Variants in GABRA5 observed in about 807,000 individuals in gnomAD.
The protein encoded by GABRA5 is gamma-aminobutyric acid type A receptor subunit alpha5.
A neutral mutation model predicts 47.3 loss-of-function variants in GABRA5; 18 were observed. The observed-to-expected ratio is 0.38, with a 90% CI of 0.26 to 0.56. The LOEUF (loss-of-function observed/expected upper bound fraction) is 0.56, where lower values mean the gene tolerates loss of function less well. GABRA5 is among the 20% of genes least tolerant of loss of function. The probability of loss-of-function intolerance (pLI) is 0.71; values close to 1 mark genes in which losing one functional copy is unlikely to be tolerated. For synonymous variants in GABRA5, 237 were observed against 229.3 expected (o/e 1.03, Z -0.30); for missense variants, 365 against 599.3 (o/e 0.61, Z 4.08).
intron 7 of GABRA5, among the ~76,000 whole-genome samples, chr15:26,922,266 C>A (rs1013687395): frequency 2.6e-5 from 4 of 152,066 alleles, no homozygotes; most frequent in African/African-American, 9.7e-5. Context: ...TATTTTTTAG[C>A]TGTATTATTT....
intron 6 of GABRA5, among the ~76,000 whole-genome samples, chr15:26,889,946 G>A (rs902021761): frequency 1.3e-5 from 2 of 152,040 alleles, no homozygotes; most frequent in African/African-American, 4.8e-5. Flanking sequence ...GTTTTTGAGT[G>A]GCCTCATTCA....
At chr15:26,897,680 T>C (rs1278011562) in intron 6 of GABRA5, among the ~76,000 whole-genome samples, 1 of 152,174 alleles carries the variant, frequency 6.6e-6, no homozygotes, top group Non-Finnish European at 1.5e-5. Context: ...GTTTCAGGAT[T>C]CAAATGTCTT....
Position 26,867,780 on chromosome 15 carries a change from G to C in GABRA5, c.-140+669G>C, listed in dbSNP as rs961571124. 6 of 152,070 alleles carry C rather than the reference G, an allele frequency of 3.9e-5. No homozygotes were observed. Among genetic ancestry groups the C allele is most frequent in the African/African-American group, 1.4e-4 (6 of 41,432 alleles). 9.4% of individuals were successfully genotyped at this position (152,070 alleles called of 1,614,324 possible). ...CGCGCGGCGTCCCGGCGCTGCTCGC[G>C]GGGTGGACTCGGACCCCGCGGGGGT... On this transcript the variant is annotated intron_variant, in intron 1 of 10. Transcript: ENST00000335625. The surrounding 1 kb of genome is among the most constrained non-coding windows in gnomAD (Gnocchi z 5.9).
intron 3 of GABRA5, among the ~76,000 whole-genome samples, chr15:26,876,480 C>T (rs1192389010): frequency 6.6e-6 from 1 of 151,952 alleles, no homozygotes; most frequent in Non-Finnish European, 1.5e-5. Flanking sequence ...CAGAGCCGTG[C>T]CCTGAGGCCC....
intron 6 of GABRA5, among the ~76,000 whole-genome samples, chr15:26,887,782 T>G (rs866722601): frequency 6.6e-6 from 1 of 152,192 alleles, no homozygotes; most frequent in Non-Finnish European, 1.5e-5. Context: ...CCCTTTTATT[T>G]TTAATCGACC....
chr15:26,903,257 A>G lies in GABRA5; in HGVS notation c.498-11546A>G, dbSNP rs957157216. 2.0e-5 allele frequency among the ~76,000 whole-genome samples: 3 copies of G among 152,160 alleles called. No homozygotes were observed. The South Asian group carries it at 6.2e-4, about 32-fold the overall frequency. Reference sequence around the variant, plus strand: ...CAGTTTGCTAAGGATAATGACCTCCAGCTCCATCCATGTCCCCACAAAGGA... The same window carrying G: ...CAGTTTGCTAAGGATAATGACCTCCGGCTCCATCCATGTCCCCACAAAGGA... On this transcript the variant is annotated intron_variant, in intron 6 of 10. Coordinates refer to ENST00000335625, the MANE Select transcript of GABRA5 (RefSeq NM_000810.4).
chr15:26,933,374 G>A (rs899406887), intron 7 of GABRA5, among the ~76,000 whole-genome samples: 1 of 152,202 alleles, frequency 6.6e-6, no homozygotes, highest in Non-Finnish European at 1.5e-5. Flanking sequence ...TAATTGGAAG[G>A]AGCTGGTGCA....
At chr15:26,926,257 G>A (rs1188859393) in intron 7 of GABRA5, among the ~76,000 whole-genome samples, 1 of 152,100 alleles carries the variant, frequency 6.6e-6, no homozygotes, top group African/African-American at 2.4e-5. Context: ...CTGACATCCA[G>A]AGATAATGGA....
intron 10 of GABRA5, among the ~76,000 whole-genome samples, chr15:26,945,620 C>G (rs1894492021): frequency 6.6e-6 from 1 of 152,188 alleles, no homozygotes; most frequent in African/African-American, 2.4e-5. Flanking sequence ...CCAGATGTGT[C>G]TGATTTGCCC....
At chr15:26,901,722 G>A (rs1893331903) in intron 6 of GABRA5, among the ~76,000 whole-genome samples, 1 of 152,062 alleles carries the variant, frequency 6.6e-6, no homozygotes, top group South Asian at 2.1e-4. Context: ...CATCTAAAAA[G>A]TCATCACCAA....
chr15:26,941,617 A>C (rs1230597071), intron 9 of GABRA5, among the ~76,000 whole-genome samples: 4 of 152,164 alleles, frequency 2.6e-5, no homozygotes, highest in Non-Finnish European at 5.9e-5. Flanking sequence ...AGTCCCACAC[A>C]CTGGGGACTT....
chr15:26,883,557 G>C lies in GABRA5; in HGVS notation c.497G>C (p.Arg166Pro). The change falls in exon 6 of 11, where the codon CGC becomes CCC. Residue 166 changes from arginine (R) to proline (P), a missense_variant and splice_region_variant. Physicochemically the swap from Arg to Pro is moderately radical, Grantham distance 103. This residue lies in a region of GABRA5 where 216 missense variants were observed against 335.3 expected (regional missense o/e 0.64). Transcript: ENST00000335625. This position sits in a 1 kb window ranked among gnomAD's most constrained non-coding sequence, Gnocchi z 4.8. Reference sequence around the variant, plus strand: ...GACGGCACCCTGCTCTACACCATGCGGTGAGCGCCGGGCGGGGGCGGGCGG... The same window carrying C: ...GACGGCACCCTGCTCTACACCATGCCGTGAGCGCCGGGCGGGGGCGGGCGG... The part of the protein sequence containing the change: ...EDDGTLLYTM[R>P]LTISAECPMQ... 1.3e-6 allele frequency: 2 copies of C among 1,596,076 alleles called. No homozygotes were observed. Among genetic ancestry groups the C allele is most frequent in the Non-Finnish European group, 1.7e-6 (2 of 1,172,010 alleles).
intron 3 of GABRA5, among the ~76,000 whole-genome samples, chr15:26,870,996 T>C (rs1471220926): frequency 6.6e-6 from 1 of 152,088 alleles, no homozygotes; most frequent in Non-Finnish European, 1.5e-5. Context: ...GAGTTCGAGA[T>C]CAGCCTGGCT....
chr15:26,869,272 T>C lies in GABRA5; in HGVS notation c.24T>C (p.Gly8=), dbSNP rs772367221. Residue 8 remains glycine (G), a synonymous_variant, in exon 3 of 11, where the codon GGT becomes GGC. Coordinates refer to ENST00000335625, the MANE Select transcript of GABRA5 (RefSeq NM_000810.4). ...GAATGGACAATGGAATGTTCTCTGG[T>C]TTTATCATGATCAAAAACCTCCTTC... is the stretch of plus-strand genomic sequence containing the variant. MDNGMFS[G]FIMIKNLLLF... 6.2e-7 allele frequency: 1 copy of C among 1,606,710 alleles called. No individual in the cohort carries two copies. Among genetic ancestry groups the C allele is most frequent in the South Asian group, 1.1e-5 (1 of 90,886 alleles).
At chr15:26,875,842 GA>G (rs149114905) in intron 3 of GABRA5, among the ~76,000 whole-genome samples, 1,883 of 152,228 alleles carry the variant, frequency 0.012, 40 homozygotes, top group East Asian at 0.057. Context: ...GAGTAGGTTT[GA>G]AACATGATCC....
chr15:26,882,177 GC>G (rs1384717890), intron 4 of GABRA5, among the ~76,000 whole-genome samples: 2 of 152,150 alleles, frequency 1.3e-5, no homozygotes, highest in African/African-American at 4.8e-5. Context: ...ATCTAGAGGA[GC>G]CCTAAGCTGC....
intron 7 of GABRA5, among the ~76,000 whole-genome samples, chr15:26,917,025 T>C (rs900236191): frequency 6.6e-6 from 1 of 152,026 alleles, no homozygotes; most frequent in African/African-American, 2.4e-5. Context: ...ATAGGGAGAG[T>C]TTCACTTCTT....
chr15:26,948,047 C>A lies in GABRA5; in HGVS notation c.1203C>A (p.Thr401=). The A allele has an allele frequency of 6.2e-7, 1 of 1,607,950 alleles. No individual in the cohort carries two copies. Among genetic ancestry groups the A allele is most frequent in the Non-Finnish European group, 8.5e-7 (1 of 1,176,974 alleles). ...CCCCAGCAGGGACGTCGAATACAAC[C>A]TCAGTCTCAGTAAAACCCTCTGAAG... is the stretch of plus-strand genomic sequence containing the variant. ...EQTPAGTSNT[T]SVSVKPSEEK... The change falls in exon 11 of 11, where the codon ACC becomes ACA. Residue 401 remains threonine, a synonymous_variant. Transcript: ENST00000335625.
Position 26,867,223 on chromosome 15 carries a change from C to A in GABRA5, c.-140+112C>A, listed in dbSNP as rs558450279. Reference sequence around the variant, plus strand: ...GCAGGGCGGCGGCGGGAGCGCGGGGCGCAAGAGCCGCTCCGCCGGGAGTGC... The same window carrying A: ...GCAGGGCGGCGGCGGGAGCGCGGGGAGCAAGAGCCGCTCCGCCGGGAGTGC... On this transcript the variant is annotated intron_variant, in intron 1 of 10. Transcript: ENST00000335625. This position sits in a 1 kb window ranked among gnomAD's most constrained non-coding sequence, Gnocchi z 5.9. 1 of 150,546 alleles carries A rather than the reference C, an allele frequency of 6.6e-6. No individual in the cohort carries two copies. Among genetic ancestry groups the A allele is most frequent in the African/African-American group, 2.4e-5 (1 of 41,210 alleles). 9.3% of individuals were successfully genotyped at this position (150,546 alleles called of 1,614,324 possible).
Sources: allele counts gnomAD v4.1 joint callset (sites outside exome capture counted in the v4.1 genomes callset), GRCh38; gene constraint gnomAD v4.1.1; regional missense constraint gnomAD v4.1.1; non-coding constraint Gnocchi (gnomAD v3.1); transcripts MANE v1.5; gene names NCBI Gene and HGNC (gene_info 2026-07-23, HGNC 2026-07-21).